The following ADIPOR2 variants were observed in gnomAD, a reference collection of about 807,000 sequenced individuals.
ADIPOR2 encodes adiponectin receptor protein 2.
ADIPOR2 carries 18 observed loss-of-function variants against 40.9 expected under a neutral mutation model. The observed-to-expected ratio is 0.44, with a 90% confidence interval of 0.30 to 0.65. The LOEUF (loss-of-function observed/expected upper bound fraction) is 0.65, where lower values mean the gene tolerates loss of function less well. Among genes scored for constraint, ADIPOR2 ranks in the 30% least tolerant of loss-of-function variants. ADIPOR2 has a pLI of 0.09. For missense variants in ADIPOR2, 283 were observed against 479.2 expected (o/e 0.59, Z 3.82); for synonymous variants, 165 against 166.4 (o/e 0.99, Z 0.06).
At chr12:1,698,574 C>G (rs952253116) in intron 1 of ADIPOR2, among the ~76,000 whole-genome samples, 1 of 152,064 alleles carries the variant, frequency 6.6e-6, no homozygotes. Flanking sequence ...ACATCTGCAT[C>G]TACTCTCTTC....
At chr12:1,740,114 G>A (rs1365822640) in intron 1 of ADIPOR2, among the ~76,000 whole-genome samples, 6 of 151,624 alleles carry the variant, frequency 4.0e-5, no homozygotes, top group African/African-American at 9.7e-5. Context: ...AAAAAAAAAA[G>A]AAGTTAAATT....
At chr12:1,706,249 A>T (rs1825348347) in intron 1 of ADIPOR2, among the ~76,000 whole-genome samples, 2 of 152,352 alleles carry the variant, frequency 1.3e-5, no homozygotes, top group East Asian at 3.9e-4. Flanking sequence ...TTACCTATGT[A>T]ACAGCAGAGT....
intron 4 of ADIPOR2, 60 bp from the exon 5 acceptor site, chr12:1,780,391 T>TA (rs1862690264): frequency 3.5e-6 from 5 of 1,441,408 alleles, no homozygotes; most frequent in African/African-American, 1.5e-5. Context: ...CAGAATCAGT[T>TA]ATAATACTGT....
At chr12:1,718,226 A>T (rs531643719) in intron 1 of ADIPOR2, among the ~76,000 whole-genome samples, 9 of 152,156 alleles carry the variant, frequency 5.9e-5, no homozygotes, top group Non-Finnish European at 8.8e-5. Context: ...TGATACTTGG[A>T]CTGTGATGGT....
intron 2 of ADIPOR2, among the ~76,000 whole-genome samples, chr12:1,770,517 C>T (rs1000585723): frequency 6.6e-6 from 1 of 151,954 alleles, no homozygotes; most frequent in Non-Finnish European, 1.5e-5. Context: ...AGCTATTGCC[C>T]GTTTTCAGGT....
At position 1,751,588 on chromosome 12, in the gene ADIPOR2, A is replaced by G. The variant is rs528030340; in HGVS notation, c.-86-2670A>G. Among the ~76,000 whole-genome samples, 12 of 152,058 alleles carry G rather than the reference A, an allele frequency of 7.9e-5. No homozygotes were observed. In the South Asian group the frequency reaches 2.3e-3, roughly 29 times the overall value. Reference sequence around the variant, plus strand: ...AGTAATGCCATCAGAGCTCAGTGCAACCTCGAACTCCTGGGCTTAAGTGAT... The same window carrying G: ...AGTAATGCCATCAGAGCTCAGTGCAGCCTCGAACTCCTGGGCTTAAGTGAT... On this transcript the variant is annotated intron_variant, in intron 1 of 7. Coordinates refer to ENST00000357103, the MANE Select transcript of ADIPOR2 (RefSeq NM_024551.3).
chr12:1,731,746 G>C (rs2094720814), intron 1 of ADIPOR2, among the ~76,000 whole-genome samples: 1 of 152,178 alleles, frequency 6.6e-6, no homozygotes, highest in Non-Finnish European at 1.5e-5. Flanking sequence ...GATCACCTGA[G>C]GTCAGGAGTT....
chr12:1,783,421 C>T (rs1346594987), intron 6 of ADIPOR2, among the ~76,000 whole-genome samples: 1 of 126,622 alleles, frequency 7.9e-6, no homozygotes, highest in Non-Finnish European at 1.6e-5. Flanking sequence ...TTTTTTGAGA[C>T]GGAGTTTCAC....
At chr12:1,740,468 A>C (rs1190880746) in intron 1 of ADIPOR2, among the ~76,000 whole-genome samples, 1 of 151,820 alleles carries the variant, frequency 6.6e-6, no homozygotes, top group Non-Finnish European at 1.5e-5. Flanking sequence ...GTCTCTTCTT[A>C]CAAGGACATC....
intron 4 of ADIPOR2, chr12:1,778,435 A>T (rs974540620): frequency 6.4e-6 from 1 of 156,446 alleles, no homozygotes; most frequent in East Asian, 1.9e-4. Context: ...TTTTCTCCAT[A>T]ATGATTGTAT....
At chr12:1,754,213 C>T (rs1252270355) in intron 1 of ADIPOR2, 45 bp from the exon 2 acceptor site, 3 of 807,804 alleles carry the variant, frequency 3.7e-6, no homozygotes, top group Non-Finnish European at 5.4e-6. Context: ...GATATTTTCC[C>T]CAGCACTCCT....
At chr12:1,754,717 C>T (rs758351129) in intron 2 of ADIPOR2, among the ~76,000 whole-genome samples, 3 of 79,000 alleles carry the variant, frequency 3.8e-5, no homozygotes, top group Non-Finnish European at 5.7e-5. Flanking sequence ...ACTACTACTA[C>T]TACTACTACT....
At chr12:1,706,682 C>T (rs942491108) in intron 1 of ADIPOR2, among the ~76,000 whole-genome samples, 2 of 152,036 alleles carry the variant, frequency 1.3e-5, no homozygotes, top group Non-Finnish European at 2.9e-5. Context: ...ACATACCCAC[C>T]CAGATAACCA....
chr12:1,761,079 G>T (rs1862259405), intron 2 of ADIPOR2: 1 of 151,866 alleles, frequency 6.6e-6, no homozygotes, highest in African/African-American at 2.4e-5. Context: ...TTTTATTATT[G>T]GTTGTTAATC....
chr12:1,773,722 C>CT (rs761566888), intron 3 of ADIPOR2, among the ~76,000 whole-genome samples: 60 of 152,168 alleles, frequency 3.9e-4, no homozygotes, highest in Non-Finnish European at 7.2e-4. Flanking sequence ...CTGGAGAACT[C>CT]TTTATTATTT....
intron 1 of ADIPOR2, among the ~76,000 whole-genome samples, chr12:1,750,358 A>G (rs2094766377): frequency 6.6e-6 from 1 of 151,624 alleles, no homozygotes; most frequent in Non-Finnish European, 1.5e-5. Flanking sequence ...CAGGAGTTCA[A>G]GACCAGCCTG....
rs760152465 is a variant in ADIPOR2 at position 1,781,218 on chromosome 12, G to A, written c.838+142G>A. On this transcript the variant is annotated intron_variant, in intron 6 of 7. Coordinates refer to ENST00000357103, the MANE Select transcript of ADIPOR2 (RefSeq NM_024551.3). Reference sequence around the variant, plus strand: ...GAAGAAATCATAGTTCCTATTGTTGGGGGTTTTTTTATGTAGTAGTCGTAG... The same window carrying A: ...GAAGAAATCATAGTTCCTATTGTTGAGGGTTTTTTTATGTAGTAGTCGTAG... The A allele has an allele frequency of 3.1e-6, 3 of 960,136 alleles. No individual in the cohort carries two copies. The African/African-American group carries it at 5.1e-5, about 16-fold the overall frequency. The allele number at this position is 960,136 out of a possible 1,614,324, so 59.5% of individuals were successfully genotyped here. A position where few individuals can be genotyped will look rare whatever the true frequency, so the allele number is the denominator to read the frequency against.
chr12:1,706,153 C>T (rs1483906862), intron 1 of ADIPOR2, among the ~76,000 whole-genome samples: 5 of 151,806 alleles, frequency 3.3e-5, no homozygotes, highest in Admixed American at 6.6e-5. Flanking sequence ...CCATTTGTTG[C>T]TTCTCTGTTT....
chr12:1,743,310 T>TAA (rs137936686), intron 1 of ADIPOR2, among the ~76,000 whole-genome samples: 90 of 88,566 alleles, frequency 1.0e-3, no homozygotes, highest in African/African-American at 3.5e-3. Flanking sequence ...AGACGCTGTC[T>TAA]AAAAAAAAAA....
Sources: gnomAD v4.1 joint callset for allele counts (sites outside exome capture counted in the v4.1 genomes callset) on GRCh38, gnomAD v4.1.1 for gene constraint, MANE v1.5 for transcripts, NCBI Gene and HGNC (gene_info 2026-07-23, HGNC 2026-07-21) for gene names.